The following NCKIPSD variants were observed in gnomAD, a reference collection of about 807,000 sequenced individuals.
The protein encoded by NCKIPSD is NCK interacting protein with SH3 domain, also known as NCK-interacting protein with SH3 domain.
A neutral mutation model predicts 73.4 loss-of-function variants in NCKIPSD; 48 were observed. The observed-to-expected ratio is 0.65, with a 90% CI of 0.52 to 0.83. The LOEUF (loss-of-function observed/expected upper bound fraction) is 0.83. NCKIPSD is among the 40% of genes least tolerant of loss of function. The pLI is 0.00. For synonymous variants in NCKIPSD, 422 were observed against 403.6 expected, an observed-to-expected ratio of 1.05 and a Z score of -0.54; for missense variants, 884 against 970.2, an observed-to-expected ratio of 0.91 and a Z score of 1.18.
chr3:48,678,765 G>T, intron 11 of NCKIPSD, 29 bp from the exon 12 acceptor site: 1 of 1,611,406 alleles, frequency 6.2e-7, no homozygotes, highest in East Asian at 2.2e-5. Flanking sequence ...AGCGGTCAGG[G>T]TGGACCTTGT....
In NCKIPSD at chr3:48,678,652, G is replaced by A; in HGVS notation, c.1877C>T (p.Ala626Val). Reference sequence around the variant, plus strand: ...TGTGTGGTAGAAGATGGCAGCTGTGGCCGGGCTGCCAAACACGTCCTGCAG... The same window carrying A: ...TGTGTGGTAGAAGATGGCAGCTGTGACCGGGCTGCCAAACACGTCCTGCAG... ...KFLQDVFGSPATAAIFYHTDM... is the reference protein window; with the variant it reads ...KFLQDVFGSPVTAAIFYHTDM... Residue 626 changes from alanine (A) to valine (V), a missense_variant, in exon 12 of 13, where the codon GCC becomes GTC. By Grantham distance (64) the Ala-to-Val change is moderately conservative (BLOSUM62 0). Transcript: ENST00000294129. 2 of 1,614,222 alleles carry A rather than the reference G, an allele frequency of 1.2e-6. No individual in the cohort carries two copies. The highest frequency in any genetic ancestry group is 1.1e-5 in the South Asian group (1 of 91,086).
chr3:48,676,283 G>T, intron 12 of NCKIPSD, among the ~76,000 whole-genome samples: 1 of 152,216 alleles, frequency 6.6e-6, no homozygotes, highest in African/African-American at 2.4e-5. Flanking sequence ...TTTCCCCTCA[G>T]TACCCACATC....
At chr3:48,675,635 G>A (rs2077246030) in intron 12 of NCKIPSD, among the ~76,000 whole-genome samples, 1 of 150,408 alleles carries the variant, frequency 6.6e-6, no homozygotes, top group African/African-American at 2.4e-5. Context: ...TCTGACTCCT[G>A]GATTCAAGTG....
chr3:48,684,042 A>G (rs754781072), intron 1 of NCKIPSD, among the ~76,000 whole-genome samples: 1 of 151,172 alleles, frequency 6.6e-6, no homozygotes, highest in Non-Finnish European at 1.5e-5. Context: ...AAAGAAAGGA[A>G]TGGGGAAAGA....
chr3:48,680,286 G>A, intron 5 of NCKIPSD, 57 bp from the exon 6 acceptor site: 1 of 1,507,506 alleles, frequency 6.6e-7, no homozygotes, highest in Non-Finnish European at 8.9e-7. Flanking sequence ...CCATCTCCAG[G>A]GAGCCTCCAA....
At chr3:48,677,938 G>A (rs558704968) in intron 12 of NCKIPSD, among the ~76,000 whole-genome samples, 3 of 152,142 alleles carry the variant, frequency 2.0e-5, no homozygotes, top group East Asian at 1.9e-4. Context: ...TGATGCCCTC[G>A]GTACCTGGGT....
chr3:48,681,981 G>A, intron 4 of NCKIPSD, 64 bp downstream of exon 4: 1 of 1,545,590 alleles, frequency 6.5e-7, no homozygotes, highest in Non-Finnish European at 8.7e-7. Context: ...CCCTGACACA[G>A]GCAGCACAAC....
intron 12 of NCKIPSD, among the ~76,000 whole-genome samples, chr3:48,677,112 G>A (rs1430465681): frequency 2.7e-5 from 4 of 150,572 alleles, no homozygotes; most frequent in Non-Finnish European, 5.9e-5. Context: ...TCCCTGGCCA[G>A]GCACGGTGGC....
intron 1 of NCKIPSD, among the ~76,000 whole-genome samples, chr3:48,684,032 A>AG (rs1366483754): frequency 6.6e-6 from 1 of 151,646 alleles, no homozygotes; most frequent in African/African-American, 2.4e-5. Flanking sequence ...AGAGAGAGAG[A>AG]AAGAAAGGAA....
intron 1 of NCKIPSD, among the ~76,000 whole-genome samples, chr3:48,683,614 C>T (rs980499710): frequency 3.3e-5 from 5 of 152,206 alleles, no homozygotes; most frequent in Non-Finnish European, 7.3e-5. Flanking sequence ...CCAAACCCAC[C>T]CTGGGAAGCA....
At chr3:48,681,170 CA>C in intron 5 of NCKIPSD, 116 bp downstream of exon 5, 5 of 1,434,010 alleles carry the variant, frequency 3.5e-6, no homozygotes, top group Non-Finnish European at 4.6e-6. Context: ...GTGCCCAGCA[CA>C]GTAAGAGCTC....
In NCKIPSD at chr3:48,678,931, G is replaced by C; in HGVS notation, c.1738C>G (p.His580Asp). 1 of 1,614,088 alleles carries C rather than the reference G, an allele frequency of 6.2e-7. No individual in the cohort carries two copies. The highest frequency in any genetic ancestry group is 1.3e-5 in the African/African-American group (1 of 75,026). ...TCGGAGAAGATCTTGACATTGGCGT[G>C]TTTGCTCAGGGCAGCCATGATGACA... is the stretch of plus-strand genomic sequence containing the variant. ...QNVIMAALSK[H>D]ANVKIFSEKL... Residue 580 changes from histidine to aspartate, a missense_variant, in exon 11 of 13, where the codon CAC (histidine) becomes GAC (aspartate). His to Asp is a moderately conservative substitution (Grantham distance 81). Coordinates refer to ENST00000294129, the MANE Select transcript of NCKIPSD (RefSeq NM_016453.4).
rs776126940 is a variant in NCKIPSD at position 48,681,511 on chromosome 3, G to C, written c.868C>G (p.Leu290Val). 2 of 1,614,166 alleles carry C rather than the reference G, an allele frequency of 1.2e-6. No individual in the cohort carries two copies. The highest frequency in any genetic ancestry group is 8.5e-7 in the Non-Finnish European group (1 of 1,180,040). ...TTSASDDLEA[L>V]GTLSLGTTEE... is the part of the protein sequence containing the mutation. ...GTGGTCCCCAGGCTCAGTGTACCCA[G>C]GGCTTCCAGGTCATCAGAGGCTGAG... Residue 290 changes from leucine (L) to valine (V), a missense_variant, in exon 5 of 13, where the codon CTG becomes GTG. Physicochemically the swap from Leu to Val is conservative, Grantham distance 32. Transcript: ENST00000294129.
In NCKIPSD at chr3:48,681,535, A is replaced by C; in HGVS notation, c.844T>G (p.Ser282Ala). 6.2e-7 allele frequency: 1 copy of C among 1,614,094 alleles called. No individual in the cohort carries two copies. Among genetic ancestry groups the C allele is most frequent in the Non-Finnish European group, 8.5e-7 (1 of 1,180,042 alleles). ...AGGGCTTCCAGGTCATCAGAGGCTG[A>C]GGTTGTACCAGTTGCCACTTCTTCT... ...AEEEVATGTT[S>A]ASDDLEALGT... The change falls in exon 5 of 13, where the codon TCA becomes GCA. Residue 282 changes from serine (S) to alanine (A), a missense_variant. Ser to Ala is a moderately conservative substitution (Grantham distance 99). Coordinates refer to ENST00000294129, the MANE Select transcript of NCKIPSD (RefSeq NM_016453.4).
chr3:48,673,913 G>C lies in NCKIPSD; in HGVS notation c.*631C>G. ...ATAGGAAAATACACATGGCTTTTCA[G>C]TCTACATTTTTACAGAGAAAAGAGA... On this transcript the variant is annotated 3_prime_UTR_variant, in exon 13 of 13. Transcript: ENST00000294129. The C allele has an allele frequency of 9.4e-7, 1 of 1,060,390 alleles. No individual in the cohort carries two copies. The highest frequency in any genetic ancestry group is 1.1e-6 in the Non-Finnish European group (1 of 875,946). 65.7% of individuals were successfully genotyped at this position (1,060,390 alleles called of 1,614,324 possible).
At position 48,679,916 on chromosome 3, in the gene NCKIPSD, G is replaced by C. The variant is rs763360228; in HGVS notation, c.1264-29C>G. ...CAGAAATGAGGAAGTGAGAGCATCAGCCACCATGAGCGGAGCTGTGCAGCC... is the reference window on the plus strand; with the variant it reads ...CAGAAATGAGGAAGTGAGAGCATCACCCACCATGAGCGGAGCTGTGCAGCC... On this transcript the variant is annotated intron_variant, in intron 6 of 12. Coordinates refer to ENST00000294129, the MANE Select transcript of NCKIPSD (RefSeq NM_016453.4). 30 of 1,613,726 alleles carry C rather than the reference G, an allele frequency of 1.9e-5. 1 individual carries two copies. Among genetic ancestry groups the C allele is most frequent in the Admixed American group, 6.7e-5 (4 of 60,008 alleles).
At chr3:48,675,602 C>T (rs181205872) in intron 12 of NCKIPSD, among the ~76,000 whole-genome samples, 367 of 148,842 alleles carry the variant, frequency 2.5e-3, no homozygotes, top group Middle Eastern at 7.1e-3. Context: ...AGTGCAGTGG[C>T]ATGATCTTGG....
Position 48,679,832 on chromosome 3 carries a change from G to C in NCKIPSD, c.1319C>G (p.Ser440Cys). The change falls in exon 7 of 13, where the codon TCT (serine) becomes TGT (cysteine). Residue 440 changes from serine to cysteine, a missense_variant. By Grantham distance (112) the Ser-to-Cys change is moderately radical. Coordinates refer to ENST00000294129, the MANE Select transcript of NCKIPSD (RefSeq NM_016453.4). ...GTAATAGGCCACCAAGGCCAGGACA[G>C]ACTCGAACTCGTTTCTCTTGCACAT... is the stretch of plus-strand genomic sequence containing the variant. The part of the protein sequence containing the change: ...KKMCKRNEFE[S>C]VLALVAYYQM... 4 of 1,614,250 alleles carry C rather than the reference G, an allele frequency of 2.5e-6. No individual in the cohort carries two copies. Among genetic ancestry groups the C allele is most frequent in the East Asian group, 2.2e-5 (1 of 44,888 alleles).
In NCKIPSD at chr3:48,685,890, G is replaced by A. The variant is rs572922060; in HGVS notation, c.-83C>T. ...GGCCGGGAGCGCCGAGCCGCGCCGC[G>A]GTTGTCCCGCCCCGTGACACACTAC... is the stretch of plus-strand genomic sequence containing the variant. On this transcript the variant is annotated 5_prime_UTR_variant, in exon 1 of 13. Coordinates refer to ENST00000294129, the MANE Select transcript of NCKIPSD (RefSeq NM_016453.4). The A allele has an allele frequency of 2.3e-6, 3 of 1,280,464 alleles. No homozygotes were observed. The highest frequency in any genetic ancestry group is 3.9e-5 in the South Asian group (2 of 50,818). 79.3% of individuals were successfully genotyped at this position (1,280,464 alleles called of 1,614,324 possible).
Sources: allele counts gnomAD v4.1 joint callset (sites outside exome capture counted in the v4.1 genomes callset), GRCh38; gene constraint gnomAD v4.1.1; transcripts MANE v1.5; gene names NCBI Gene and HGNC (gene_info 2026-07-23, HGNC 2026-07-21).